Variants in FLRT1 observed in about 807,000 individuals in gnomAD.
FLRT1 encodes fibronectin leucine rich transmembrane protein 1, also known as leucine-rich repeat transmembrane protein FLRT1.
A neutral mutation model predicts 30.9 loss-of-function variants in FLRT1; 14 were observed. The ratio of observed to expected loss-of-function variants is 0.45; its 90% CI spans 0.30 to 0.71. FLRT1 has a LOEUF of 0.71. Among genes scored for constraint, FLRT1 ranks in the 30% least tolerant of loss-of-function variants. FLRT1 has a pLI of 0.08. For synonymous variants in FLRT1, 368 were observed against 430.4 expected (o/e 0.85, Z 1.80); for missense variants, 737 against 949.2 (o/e 0.78, Z 2.94).
chr11:64,052,716 C>G (rs1418657483), intron 1 of FLRT1, among the ~76,000 whole-genome samples: 2 of 152,202 alleles, frequency 1.3e-5, no homozygotes, highest in Non-Finnish European at 2.9e-5. Context: ...AGCCAAGTAG[C>G]CTGCCACAAC....
intron 1 of FLRT1, among the ~76,000 whole-genome samples, chr11:64,102,298 C>T (rs1346260091): frequency 1.3e-5 from 2 of 152,196 alleles, no homozygotes; most frequent in Non-Finnish European, 2.9e-5. Flanking sequence ...GTTTTGGATT[C>T]CAGAACAGCC....
chr11:64,072,413 C>G (rs1417844989), intron 1 of FLRT1, among the ~76,000 whole-genome samples: 1 of 149,930 alleles, frequency 6.7e-6, no homozygotes, highest in Non-Finnish European at 1.5e-5. Context: ...GTCAGCTGAT[C>G]CGGCTCATTT....
chr11:64,048,879 C>T (rs986090349), intron 1 of FLRT1, among the ~76,000 whole-genome samples: 2 of 152,194 alleles, frequency 1.3e-5, no homozygotes, highest in African/African-American at 2.4e-5. Flanking sequence ...AACCCAAAGC[C>T]GCCCTTGCCC....
At chr11:64,099,982 G>A (rs994444292) in intron 1 of FLRT1, among the ~76,000 whole-genome samples, 1 of 152,272 alleles carries the variant, frequency 6.6e-6, no homozygotes, top group East Asian at 1.9e-4. Flanking sequence ...AGTGTTTGGT[G>A]GATGGTCCGT....
chr11:64,092,217 C>T (rs1009453822), intron 1 of FLRT1, among the ~76,000 whole-genome samples: 1 of 151,764 alleles, frequency 6.6e-6, no homozygotes, highest in Admixed American at 6.5e-5. Flanking sequence ...TACCCACTAA[C>T]GTCTCCCCTG....
chr11:64,039,828 C>T (rs1205874993), intron 1 of FLRT1, among the ~76,000 whole-genome samples: 1 of 152,212 alleles, frequency 6.6e-6, no homozygotes, highest in Non-Finnish European at 1.5e-5. Context: ...TGGATTCCTG[C>T]AGCCCTGGGT....
chr11:64,097,084 G>A (rs541258655), intron 1 of FLRT1, among the ~76,000 whole-genome samples: 1 of 152,384 alleles, frequency 6.6e-6, no homozygotes, highest in African/African-American at 2.4e-5. Flanking sequence ...GGGGATGGCG[G>A]TGCCCACTGG....
chr11:64,089,728 C>T (rs1944457218), intron 1 of FLRT1, among the ~76,000 whole-genome samples: 1 of 152,126 alleles, frequency 6.6e-6, no homozygotes, highest in Non-Finnish European at 1.5e-5. Flanking sequence ...GGTGAGAGGC[C>T]CTGAGACAGT....
At chr11:64,100,819 C>T (rs914417784) in intron 1 of FLRT1, among the ~76,000 whole-genome samples, 1 of 152,184 alleles carries the variant, frequency 6.6e-6, no homozygotes, top group African/African-American at 2.4e-5. Flanking sequence ...AGTATCCCAG[C>T]ACTGGGGTTC....
chr11:64,037,251 T>G (rs1218625982), intron 1 of FLRT1, among the ~76,000 whole-genome samples: 1 of 151,942 alleles, frequency 6.6e-6, no homozygotes, highest in Non-Finnish European at 1.5e-5. Flanking sequence ...GCTCAGGAGT[T>G]AGGAAGGAGG....
At chr11:64,053,389 G>GC (rs748537303) in intron 1 of FLRT1, among the ~76,000 whole-genome samples, 2 of 152,224 alleles carry the variant, frequency 1.3e-5, no homozygotes, top group Non-Finnish European at 2.9e-5. Flanking sequence ...ACAGCCCATG[G>GC]TTTCCTGCAG....
chr11:64,089,579 GA>G (rs1318389398), intron 1 of FLRT1, among the ~76,000 whole-genome samples: 1 of 152,240 alleles, frequency 6.6e-6, no homozygotes, highest in East Asian at 1.9e-4. Context: ...ACGGACCAGA[GA>G]AAGCGGCTGA....
At chr11:64,095,944 TTCTCCCTGGGGAG>T (rs1263734348) in intron 1 of FLRT1, among the ~76,000 whole-genome samples, 3 of 149,752 alleles carry the variant, frequency 2.0e-5, no homozygotes, top group Non-Finnish European at 4.4e-5. Flanking sequence ...GCTCCTCGCT[TTCTCCCTGGGGAG>T]TCTCCAGCAG....
Position 64,116,601 on chromosome 11 carries a change from TA to T in FLRT1, c.335del (p.Tyr112SerfsTer73), listed in dbSNP as rs1944986571. 6.2e-7 allele frequency: 1 copy of T among 1,614,054 alleles called. No homozygotes were observed. The highest frequency in any genetic ancestry group is 1.3e-5 in the African/African-American group (1 of 74,928). ...LKTKVNVQVI[Y>X]LYENDLDEFP... The stretch of plus-strand genomic sequence containing the variant: ...GACCAAGGTCAACGTGCAGGTCATC[TA>T]CCTATACGAGAATGACCTGGATGAG... On this transcript the variant is annotated frameshift_variant, in exon 3 of 3. Coordinates refer to ENST00000682287, the MANE Select transcript of FLRT1 (RefSeq NM_013280.5). LOFTEE classifies it high-confidence loss of function.
intron 1 of FLRT1, among the ~76,000 whole-genome samples, chr11:64,069,946 G>A (rs776196060): frequency 7.2e-5 from 11 of 152,032 alleles, no homozygotes; most frequent in South Asian, 2.1e-4. Flanking sequence ...CCCGACTCGC[G>A]CCCAGTGGGA....
At chr11:64,045,755 C>T (rs1312128472) in intron 1 of FLRT1, among the ~76,000 whole-genome samples, 1 of 152,202 alleles carries the variant, frequency 6.6e-6, no homozygotes, top group African/African-American at 2.4e-5. Flanking sequence ...ATAGACCTCA[C>T]TTTTCTGGGG....
intron 1 of FLRT1, among the ~76,000 whole-genome samples, chr11:64,085,683 C>T (rs1944381822): frequency 6.6e-6 from 1 of 152,164 alleles, no homozygotes; most frequent in South Asian, 2.1e-4. Flanking sequence ...GGGACGGTCA[C>T]CCACAGACAG....
At chr11:64,078,894 G>A (rs894980315) in intron 1 of FLRT1, among the ~76,000 whole-genome samples, 2 of 152,212 alleles carry the variant, frequency 1.3e-5, no homozygotes, top group Non-Finnish European at 2.9e-5. Context: ...AACTCAGAGT[G>A]GGAGTTTGGC....
intron 2 of FLRT1, among the ~76,000 whole-genome samples, chr11:64,115,114 T>C (rs1944953280): frequency 6.6e-6 from 1 of 152,192 alleles, no homozygotes; most frequent in Non-Finnish European, 1.5e-5. Flanking sequence ...TGTCCCATCA[T>C]TGAAAAGCCT....
Sources: gnomAD v4.1 joint callset for allele counts (sites outside exome capture counted in the v4.1 genomes callset) on GRCh38, gnomAD v4.1.1 for gene constraint, MANE v1.5 for transcripts, NCBI Gene and HGNC (gene_info 2026-07-23, HGNC 2026-07-21) for gene names.